The following GALNT18 variants were observed in gnomAD, a reference collection of about 807,000 sequenced individuals.
The protein encoded by GALNT18 is GalNAc-transferase 18.
In GALNT18, 44 loss-of-function variants were observed where a neutral mutation model predicts 69.5. That is an observed-to-expected ratio of 0.63 (90% CI 0.50 to 0.81). The LOEUF (loss-of-function observed/expected upper bound fraction) is 0.81. GALNT18 is among the 40% of genes least tolerant of loss of function. The pLI, the probability that GALNT18 is intolerant of heterozygous loss-of-function variation, is 0.00. For missense variants in GALNT18, 715 were observed against 810.0 expected (o/e 0.88, Z 1.42); for synonymous variants, 364 against 318.2 (o/e 1.14, Z -1.53).
intron 3 of GALNT18, among the ~76,000 whole-genome samples, chr11:11,417,450 A>G (rs1409714618): frequency 6.6e-6 from 1 of 152,228 alleles, no homozygotes; most frequent in South Asian, 2.1e-4. Flanking sequence ...CTGCTTCTCA[A>G]AGTGGGAGTC....
In GALNT18 at chr11:11,432,830, A is replaced by T. The variant is rs774822101; in HGVS notation, c.429-43T>A. The T allele has an allele frequency of 6.9e-6, 11 of 1,591,742 alleles. No individual in the cohort carries two copies. Among genetic ancestry groups the T allele is most frequent in the Middle Eastern group, 1.7e-4 (1 of 5,980 alleles). On this transcript the variant is annotated intron_variant, in intron 2 of 10. Transcript: ENST00000227756. This position sits in a 1 kb window ranked among gnomAD's most constrained non-coding sequence, Gnocchi z 5.8. ...GCGCTTAGATTTGTGACTCAGCTGG[A>T]GTCATCTCAGGAGCTGACCCAGCCC... is the stretch of plus-strand genomic sequence containing the variant.
chr11:11,385,998 C>T (rs1393641924), intron 3 of GALNT18, among the ~76,000 whole-genome samples: 2 of 152,034 alleles, frequency 1.3e-5, no homozygotes, highest in Non-Finnish European at 2.9e-5. Flanking sequence ...TAAGCCAAGG[C>T]CTGTCAAAGA....
intron 10 of GALNT18, among the ~76,000 whole-genome samples, chr11:11,292,422 A>G (rs780799695): frequency 1.3e-5 from 2 of 152,192 alleles, no homozygotes; most frequent in Non-Finnish European, 2.9e-5. Context: ...CTGAATTAAC[A>G]GAGACTTAAT....
At chr11:11,353,136 G>A in intron 6 of GALNT18, 1 of 1,613,260 alleles carries the variant, frequency 6.2e-7, no homozygotes, top group Non-Finnish European at 8.5e-7. Context: ...CAGGTTGGCG[G>A]ACAAAGCTGG....
chr11:11,276,934 C>T (rs553782991), intron 10 of GALNT18, among the ~76,000 whole-genome samples: 1 of 152,240 alleles, frequency 6.6e-6, no homozygotes, highest in East Asian at 1.9e-4. Context: ...TGATGATTTT[C>T]ACATTGATGT....
rs1448538225 is a variant in GALNT18, at chr11:11,340,551, C to G, written c.1278+268G>C. Among the ~76,000 whole-genome samples the G allele has an allele frequency of 2.0e-5, 3 of 152,204 alleles. No individual in the cohort carries two copies. Among genetic ancestry groups the G allele is most frequent in the Non-Finnish European group, 4.4e-5 (3 of 68,038 alleles). On this transcript the variant is annotated intron_variant, in intron 7 of 10. Transcript: ENST00000227756. This position sits in a 1 kb window ranked among gnomAD's most constrained non-coding sequence, Gnocchi z 4.2. ...AAGGAAACTTGAGCTACCTGTCCAA[C>G]TTTCTCATTTAAAATTAGGACACTA...
intron 1 of GALNT18, among the ~76,000 whole-genome samples, chr11:11,547,330 T>C (rs1028871984): frequency 1.3e-5 from 2 of 152,200 alleles, no homozygotes; most frequent in Non-Finnish European, 2.9e-5. Context: ...CCTGACCTAC[T>C]TTGTGCAACT....
chr11:11,536,423 C>G (rs1420323359), intron 1 of GALNT18, among the ~76,000 whole-genome samples: 1 of 152,184 alleles, frequency 6.6e-6, no homozygotes, highest in Non-Finnish European at 1.5e-5. Flanking sequence ...AGGTTTCTAT[C>G]CTGCCTCCCA....
At chr11:11,409,645 T>A (rs553054098) in intron 3 of GALNT18, among the ~76,000 whole-genome samples, 6 of 136,806 alleles carry the variant, frequency 4.4e-5, no homozygotes, top group Non-Finnish European at 9.4e-5. Context: ...GGCAGCTCCA[T>A]GCAGGAATCT....
At chr11:11,326,696 G>T (rs1387203468) in intron 9 of GALNT18, among the ~76,000 whole-genome samples, 2 of 152,186 alleles carry the variant, frequency 1.3e-5, no homozygotes, top group African/African-American at 4.8e-5. Context: ...ACTCTGAAGG[G>T]ACTCTGACAT....
In GALNT18 at chr11:11,573,957, G is replaced by C. The variant is rs919296029; in HGVS notation, c.235+47402C>G. On this transcript the variant is annotated intron_variant, in intron 1 of 10. Transcript: ENST00000227756. This position sits in a 1 kb window ranked among gnomAD's most constrained non-coding sequence, Gnocchi z 4.6. ...TAGAAGGCAGAGTTCAGAGAAATTA[G>C]GATGGCTGCCCAAGGTCACCTAACT... is the stretch of plus-strand genomic sequence containing the variant. Among the ~76,000 whole-genome samples, 4 of 152,136 alleles carry C rather than the reference G, an allele frequency of 2.6e-5. No homozygotes were observed. Among genetic ancestry groups the C allele is most frequent in the Non-Finnish European group, 2.9e-5 (2 of 68,038 alleles).
At chr11:11,373,445 G>A (rs1190945129) in intron 5 of GALNT18, among the ~76,000 whole-genome samples, 1 of 152,228 alleles carries the variant, frequency 6.6e-6, no homozygotes, top group African/African-American at 2.4e-5. Flanking sequence ...GTGACAGTGG[G>A]TTGGAGACCA....
intron 6 of GALNT18, among the ~76,000 whole-genome samples, chr11:11,343,706 T>C (rs1320578454): frequency 1.3e-5 from 2 of 152,232 alleles, no homozygotes; most frequent in Non-Finnish European, 2.9e-5. Context: ...TGATTCTTTT[T>C]GCCACTGGAA....
At position 11,432,576 on chromosome 11, in the gene GALNT18, CA is replaced by C; in HGVS notation, c.595+44del. On this transcript the variant is annotated intron_variant, in intron 3 of 10. Transcript: ENST00000227756. The surrounding 1 kb of genome is among the most constrained non-coding windows in gnomAD (Gnocchi z 5.8). ...GACGCTGAACCATCAGCTTAGATGTCAGCCAGGAAGTAGGGCCTGGGCCCTG... is the reference window on the plus strand; with the variant it reads ...GACGCTGAACCATCAGCTTAGATGTCGCCAGGAAGTAGGGCCTGGGCCCTG... The C allele has an allele frequency of 6.4e-7, 1 of 1,558,648 alleles. No homozygotes were observed. The highest frequency in any genetic ancestry group is 8.7e-7 in the Non-Finnish European group (1 of 1,146,172).
At chr11:11,412,975 AG>A (rs1854765675) in intron 3 of GALNT18, among the ~76,000 whole-genome samples, 1 of 152,142 alleles carries the variant, frequency 6.6e-6, no homozygotes, top group Admixed American at 6.5e-5. Flanking sequence ...TCCTCTCTCA[AG>A]GGGGATCATT....
chr11:11,578,424 C>T (rs1471638551), intron 1 of GALNT18, among the ~76,000 whole-genome samples: 1 of 151,242 alleles, frequency 6.6e-6, no homozygotes, highest in African/African-American at 2.4e-5. Context: ...TAAGAGAACA[C>T]TGGCCCAATG....
chr11:11,490,316 T>C (rs532473701), intron 1 of GALNT18, among the ~76,000 whole-genome samples: 13 of 151,492 alleles, frequency 8.6e-5, no homozygotes, highest in African/African-American at 3.1e-4. Context: ...TTACCAGATG[T>C]TGGCCCCTCC....
intron 1 of GALNT18, among the ~76,000 whole-genome samples, chr11:11,508,580 G>T (rs1240056631): frequency 6.6e-6 from 1 of 152,166 alleles, no homozygotes; most frequent in African/African-American, 2.4e-5. Flanking sequence ...TCCCCAAATT[G>T]TTGTTGTTTT....
chr11:11,568,188 A>C (rs1358561681), intron 1 of GALNT18, among the ~76,000 whole-genome samples: 1 of 152,250 alleles, frequency 6.6e-6, no homozygotes, highest in Admixed American at 6.5e-5. Flanking sequence ...CAGCCAACGC[A>C]CAGCCCAGGT....
Sources: gnomAD v4.1 joint callset for allele counts (sites outside exome capture counted in the v4.1 genomes callset) on GRCh38, gnomAD v4.1.1 for gene constraint, Gnocchi (gnomAD v3.1) non-coding constraint, MANE v1.5 for transcripts, NCBI Gene and HGNC (gene_info 2026-07-23, HGNC 2026-07-21) for gene names.